The following FBXW7 variants were observed in gnomAD, a reference collection of about 807,000 sequenced individuals.
FBXW7 encodes the protein F-box and WD repeat domain containing 7, also known as F-box/WD repeat-containing protein 7.
A neutral mutation model predicts 86.3 loss-of-function variants in FBXW7; 11 were observed. That is an observed-to-expected ratio of 0.13 (90% CI 0.08 to 0.21). FBXW7 has a LOEUF of 0.21. Ranked by LOEUF, FBXW7 falls within the 10% of genes least tolerant of loss-of-function variation. The pLI is 1.00. For missense variants in FBXW7, 488 were observed against 847.4 expected, an observed-to-expected ratio of 0.58 and a Z score of 5.27; for synonymous variants, 313 against 297.9, an observed-to-expected ratio of 1.05 and a Z score of -0.52.
intron 2 of FBXW7, among the ~76,000 whole-genome samples, chr4:152,457,244 A>G (rs1231834755): frequency 6.6e-6 from 1 of 152,230 alleles, no homozygotes; most frequent in African/African-American, 2.4e-5. Context: ...AAGAGATTAC[A>G]AAGAGGCTTT....
chr4:152,327,413 A>G (rs1178556694), intron 11 of FBXW7, among the ~76,000 whole-genome samples: 5 of 152,098 alleles, frequency 3.3e-5, no homozygotes, highest in African/African-American at 4.8e-5. Context: ...AGGACCTTTC[A>G]GAGAGACCTT....
At chr4:152,451,385 G>C (rs1278279135) in intron 2 of FBXW7, among the ~76,000 whole-genome samples, 1 of 152,248 alleles carries the variant, frequency 6.6e-6, no homozygotes, top group South Asian at 2.1e-4. Context: ...TTAAATGGTA[G>C]TCTAAAAGAT....
At chr4:152,347,502 T>C (rs1185994457) in intron 5 of FBXW7, among the ~76,000 whole-genome samples, 1 of 152,158 alleles carries the variant, frequency 6.6e-6, no homozygotes, top group Non-Finnish European at 1.5e-5. Context: ...AACTCAGACA[T>C]AGAAATACTA....
chr4:152,532,918 T>G (rs74289476), intron 2 of FBXW7, among the ~76,000 whole-genome samples: 4,665 of 152,172 alleles, frequency 0.031, 120 homozygotes, highest in African/African-American at 0.062. Flanking sequence ...GGACGCGGTG[T>G]CTCAACGCCT....
chr4:152,479,762 C>T (rs1413566655), intron 2 of FBXW7, among the ~76,000 whole-genome samples: 2 of 152,148 alleles, frequency 1.3e-5, no homozygotes, highest in Non-Finnish European at 2.9e-5. Context: ...CCACTTAGTT[C>T]AAGTGGCAAT....
chr4:152,476,828 C>A (rs1277878597), intron 2 of FBXW7, among the ~76,000 whole-genome samples: 2 of 152,182 alleles, frequency 1.3e-5, no homozygotes, highest in Admixed American at 1.3e-4. Flanking sequence ...CCCTTTTGGT[C>A]TGCACTATCC....
intron 4 of FBXW7, among the ~76,000 whole-genome samples, chr4:152,390,850 G>C (rs1411168573): frequency 6.6e-6 from 1 of 151,690 alleles, no homozygotes; most frequent in Admixed American, 6.6e-5. Context: ...GTAAGTAATT[G>C]TGTGTTTTTT....
intron 2 of FBXW7, among the ~76,000 whole-genome samples, chr4:152,501,170 T>G (rs1746913166): frequency 6.6e-6 from 1 of 152,176 alleles, no homozygotes; most frequent in South Asian, 2.1e-4. Flanking sequence ...TAGGCCATTA[T>G]TATGGTACAC....
chr4:152,368,519 TA>T (rs978378495), intron 4 of FBXW7, among the ~76,000 whole-genome samples: 32 of 152,220 alleles, frequency 2.1e-4, no homozygotes, highest in African/African-American at 7.5e-4. Flanking sequence ...GTACTTTTGT[TA>T]AAATTTGTGA....
intron 4 of FBXW7, among the ~76,000 whole-genome samples, chr4:152,362,584 G>T (rs1733071620): frequency 6.6e-6 from 1 of 151,990 alleles, no homozygotes; most frequent in Non-Finnish European, 1.5e-5. Context: ...GCTGAGGCAG[G>T]TGGATCATAA....
chr4:152,462,472 A>G (rs900895157), intron 2 of FBXW7, among the ~76,000 whole-genome samples: 3 of 152,254 alleles, frequency 2.0e-5, no homozygotes, highest in African/African-American at 7.2e-5. Context: ...TGATTTGGAC[A>G]GAGTTTACAC....
chr4:152,492,636 G>C (rs776822784), intron 2 of FBXW7, among the ~76,000 whole-genome samples: 5 of 152,048 alleles, frequency 3.3e-5, no homozygotes, highest in Non-Finnish European at 7.4e-5. Context: ...TTTATCTTTT[G>C]TATGTATTGA....
intron 4 of FBXW7, among the ~76,000 whole-genome samples, chr4:152,393,919 C>A (rs1736200192): frequency 6.6e-6 from 1 of 152,060 alleles, no homozygotes; most frequent in Admixed American, 6.6e-5. Flanking sequence ...TTTTAAACAT[C>A]ATTTTTAAAC....
chr4:152,498,366 T>A (rs1392553937), intron 2 of FBXW7, among the ~76,000 whole-genome samples: 4 of 152,140 alleles, frequency 2.6e-5, no homozygotes, highest in African/African-American at 9.7e-5. Context: ...CGAAAACTAC[T>A]GAGAGGCAAG....
intron 4 of FBXW7, 46 bp from the exon 5 acceptor site, chr4:152,350,170 C>A: frequency 1.7e-6 from 2 of 1,179,706 alleles, no homozygotes; most frequent in South Asian, 3.1e-5. Context: ...AATCGTCTAA[C>A]TATCAAATCT....
chr4:152,378,709 A>G (rs1261712523), intron 4 of FBXW7, among the ~76,000 whole-genome samples: 1 of 152,184 alleles, frequency 6.6e-6, no homozygotes, highest in African/African-American at 2.4e-5. Flanking sequence ...TTCTTTCAAC[A>G]TACACTTATT....
At chr4:152,523,208 T>C (rs1003794760) in intron 2 of FBXW7, among the ~76,000 whole-genome samples, 1 of 152,226 alleles carries the variant, frequency 6.6e-6, no homozygotes. Context: ...ACAACATCCC[T>C]GGGTGGTATT....
chr4:152,486,827 T>C (rs1001780097), intron 2 of FBXW7, among the ~76,000 whole-genome samples: 5 of 152,152 alleles, frequency 3.3e-5, no homozygotes, highest in African/African-American at 1.2e-4. Flanking sequence ...CAATTATATG[T>C]GCTATACTTT....
intron 2 of FBXW7, among the ~76,000 whole-genome samples, chr4:152,534,667 TC>T (rs1750333247): frequency 6.6e-6 from 1 of 152,122 alleles, no homozygotes; most frequent in South Asian, 2.1e-4. Context: ...TTCCTCAATT[TC>T]CCTTTGCCAA....
Sources: allele counts gnomAD v4.1 joint callset (sites outside exome capture counted in the v4.1 genomes callset), GRCh38; gene constraint gnomAD v4.1.1; transcripts MANE v1.5; gene names NCBI Gene and HGNC (gene_info 2026-07-23, HGNC 2026-07-21).